Variants in SLC2A9 observed in about 807,000 individuals in gnomAD.
The protein encoded by SLC2A9 is solute carrier family 2 member 9.
A neutral mutation model predicts 50.6 loss-of-function variants in SLC2A9; 39 were observed. That is an observed-to-expected ratio of 0.77 (90% CI 0.60 to 1.01). The LOEUF is 1.01. Among genes scored for constraint, SLC2A9 ranks in the 50% least tolerant of loss-of-function variants. The pLI, the probability that SLC2A9 is intolerant of heterozygous loss-of-function variation, is 0.00. For synonymous variants in SLC2A9, 324 were observed against 276.9 expected, an observed-to-expected ratio of 1.17 and a Z score of -1.69; for missense variants, 686 against 677.6, an observed-to-expected ratio of 1.01 and a Z score of -0.14.
intron 1 of SLC2A9, among the ~76,000 whole-genome samples, chr4:10,028,225 A>G (rs935405578): frequency 1.3e-5 from 2 of 152,182 alleles, no homozygotes; most frequent in African/African-American, 4.8e-5. Flanking sequence ...GTCAGTCCTG[A>G]TATGGATTTG....
intron 5 of SLC2A9, among the ~76,000 whole-genome samples, chr4:9,949,408 CT>C: frequency 6.6e-6 from 1 of 152,244 alleles, no homozygotes. Context: ...TAAAACTGTC[CT>C]ATATGTTGTC....
intron 3 of SLC2A9, among the ~76,000 whole-genome samples, chr4:9,819,118 A>G (rs1213687212): frequency 3.1e-4 from 37 of 119,680 alleles, no homozygotes; most frequent in African/African-American, 1.6e-3. Flanking sequence ...GACTGTCTCA[A>G]AAAAAAAAAA....
downstream of SLC2A9, among the ~76,000 whole-genome samples, chr4:9,822,547 C>G (rs1159431925): frequency 7.9e-5 from 12 of 152,132 alleles, no homozygotes; most frequent in East Asian, 2.3e-3. Context: ...TTTTCTCACT[C>G]TTTTACTTTT....
chr4:9,989,633 G>T (rs1394861058), intron 3 of SLC2A9, among the ~76,000 whole-genome samples: 2 of 151,946 alleles, frequency 1.3e-5, no homozygotes, highest in Non-Finnish European at 2.9e-5. Flanking sequence ...TCCCAACCAG[G>T]CTCTGAGACC....
At chr4:9,985,573 AG>A in intron 4 of SLC2A9, 95 bp downstream of exon 4, 2 of 1,523,856 alleles carry the variant, frequency 1.3e-6, no homozygotes, top group South Asian at 2.3e-5. Context: ...GCCAGCAGAG[AG>A]CCCCAGTCAT....
chr4:9,793,537 A>C (rs1471741368), intron 3 of SLC2A9, among the ~76,000 whole-genome samples: 1 of 152,218 alleles, frequency 6.6e-6, no homozygotes, highest in South Asian at 2.1e-4. Flanking sequence ...AACATTGTTG[A>C]ATTATTTGTG....
At chr4:9,968,881 A>T (rs1472576422) in intron 5 of SLC2A9, among the ~76,000 whole-genome samples, 1 of 152,146 alleles carries the variant, frequency 6.6e-6, no homozygotes, top group Non-Finnish European at 1.5e-5. Context: ...TTAAGGGTTA[A>T]AGTTTTTTTA....
downstream of SLC2A9, among the ~76,000 whole-genome samples, chr4:9,777,315 G>C (rs1187853222): frequency 1.4e-5 from 2 of 141,802 alleles, no homozygotes; most frequent in Non-Finnish European, 3.0e-5. Context: ...TTTTTTTTTA[G>C]ATGGAATCTC....
chr4:9,901,985 G>A (rs960854460), intron 8 of SLC2A9, among the ~76,000 whole-genome samples: 11 of 152,292 alleles, frequency 7.2e-5, no homozygotes, highest in East Asian at 3.9e-4. Flanking sequence ...GATAGGTGGC[G>A]TACCCACCCT....
chr4:9,915,645 G>T (rs1313094159), intron 7 of SLC2A9, among the ~76,000 whole-genome samples: 1 of 152,140 alleles, frequency 6.6e-6, no homozygotes, highest in Non-Finnish European at 1.5e-5. Context: ...TAACTCAAAA[G>T]TTCAATGTTG....
At chr4:9,783,118 C>T (rs143226097) in intron 3 of SLC2A9, 2 of 1,614,228 alleles carry the variant, frequency 1.2e-6, no homozygotes, top group East Asian at 2.2e-5. Flanking sequence ...CCTTCAACGC[C>T]GACTTTCAGA....
rs576481921 is a variant in SLC2A9 at position 9,917,652 on chromosome 4, G to C, written c.1002+2733C>G. Among the ~76,000 whole-genome samples, 82 of 152,276 alleles carry C rather than the reference G, an allele frequency of 5.4e-4. 2 individuals are homozygous for C. In the Middle Eastern group the frequency reaches 0.027, roughly 51 times the overall value. ...AGCAAAATTTTGAGTGACTTCTAAA[G>C]TACGTGAAAAACATTCATCAGCTCC... is the stretch of plus-strand genomic sequence containing the variant. On this transcript the variant is annotated intron_variant, in intron 7 of 11. Transcript: ENST00000264784.
At position 9,826,291 on chromosome 4, in the gene SLC2A9, T is replaced by C; in HGVS notation, c.*106A>G. 8.8e-7 allele frequency: 1 copy of C among 1,129,992 alleles called. No individual in the cohort carries two copies. The highest frequency in any genetic ancestry group is 1.3e-6 in the Non-Finnish European group (1 of 743,336). The allele number at this position is 1,129,992 out of a possible 1,614,324, so 70.0% of individuals were successfully genotyped here. On this transcript the variant is annotated 3_prime_UTR_variant, in exon 12 of 12. Coordinates refer to ENST00000264784, the MANE Select transcript of SLC2A9 (RefSeq NM_020041.3). ...AAGACTTGCATAGCTTCAATTCATT[T>C]AAGCTTCCCAATAATGGGTAAATTT...
chr4:9,817,848 C>T (rs1723824985), intron 3 of SLC2A9, among the ~76,000 whole-genome samples: 1 of 152,176 alleles, frequency 6.6e-6, no homozygotes, highest in South Asian at 2.1e-4. Flanking sequence ...TCTGCAAGAG[C>T]AGCAGACAAT....
At chr4:9,987,921 G>A (rs544137968) in intron 3 of SLC2A9, among the ~76,000 whole-genome samples, 2 of 152,354 alleles carry the variant, frequency 1.3e-5, no homozygotes, top group South Asian at 4.1e-4. Flanking sequence ...AGTAGAAAGT[G>A]AAAGTTGAGA....
upstream of SLC2A9, among the ~76,000 whole-genome samples, chr4:10,024,399 C>T (rs1314899001): frequency 2.0e-5 from 3 of 152,140 alleles, no homozygotes; most frequent in East Asian, 5.8e-4. Flanking sequence ...ATGCATGGGG[C>T]TGTATTCCAG....
At chr4:9,970,757 A>G (rs1395356493) in intron 5 of SLC2A9, among the ~76,000 whole-genome samples, 3 of 152,146 alleles carry the variant, frequency 2.0e-5, no homozygotes, top group Admixed American at 2.0e-4. Context: ...CTGTTTTAAG[A>G]AAAAAACAAG....
chr4:9,960,899 G>A (rs148902874), intron 5 of SLC2A9, among the ~76,000 whole-genome samples: 115 of 152,310 alleles, frequency 7.6e-4, no homozygotes, highest in African/African-American at 2.6e-3. Flanking sequence ...AGGCTAGACT[G>A]AGGGATTAGG....
At chr4:9,967,184 T>G (rs1031538222) in intron 5 of SLC2A9, among the ~76,000 whole-genome samples, 4 of 152,220 alleles carry the variant, frequency 2.6e-5, no homozygotes, top group Non-Finnish European at 5.9e-5. Flanking sequence ...TTCATTATTA[T>G]CATTATAAAA....
Sources: allele counts gnomAD v4.1 joint callset (sites outside exome capture counted in the v4.1 genomes callset), GRCh38; gene constraint gnomAD v4.1.1; transcripts MANE v1.5; gene names NCBI Gene and HGNC (gene_info 2026-07-23, HGNC 2026-07-21).